The following LNX1 variants were observed in gnomAD, a reference collection of about 807,000 sequenced individuals.
The protein encoded by LNX1 is E3 ubiquitin-protein ligase LNX.
Under a neutral mutation model 68.4 loss-of-function variants are expected in LNX1, and 54 were observed. The ratio of observed to expected loss-of-function variants is 0.79; its 90% CI spans 0.63 to 0.99. The LOEUF is 0.99. LNX1 is among the 50% of genes least tolerant of loss of function. The probability of loss-of-function intolerance (pLI) is 0.00; values close to 1 mark genes in which losing one functional copy is unlikely to be tolerated. For missense variants in LNX1, 906 were observed against 926.4 expected (o/e 0.98, Z 0.29); for synonymous variants, 336 against 350.0 (o/e 0.96, Z 0.45).
chr4:53,597,775 T>G (rs754655662), intron 2 of LNX1, among the ~76,000 whole-genome samples: 40 of 152,206 alleles, frequency 2.6e-4, no homozygotes, highest in Non-Finnish European at 4.6e-4. Context: ...GGTGATATTT[T>G]GGCCTCCAAA....
intron 2 of LNX1, among the ~76,000 whole-genome samples, chr4:53,567,716 T>C (rs1013191328): frequency 6.6e-6 from 1 of 152,148 alleles, no homozygotes; most frequent in Non-Finnish European, 1.5e-5. Context: ...AGCTGGTTTA[T>C]TGAAAGGATC....
chr4:53,492,529 G>GAGAGAGAGAA (rs1166445352), intron 6 of LNX1, among the ~76,000 whole-genome samples: 5 of 151,452 alleles, frequency 3.3e-5, no homozygotes, highest in Admixed American at 3.3e-4. Flanking sequence ...GAGAGAGAGA[G>GAGAGAGAGAA]AGAGAGAGAG....
intron 9 of LNX1, among the ~76,000 whole-genome samples, chr4:53,469,821 A>G (rs1723016019): frequency 6.6e-6 from 1 of 152,210 alleles, no homozygotes; most frequent in Non-Finnish European, 1.5e-5. Context: ...TACACCAATA[A>G]CAGGCTCTGA....
At chr4:53,567,543 G>A (rs1317528125) in intron 2 of LNX1, among the ~76,000 whole-genome samples, 3 of 152,212 alleles carry the variant, frequency 2.0e-5, no homozygotes, top group Non-Finnish European at 2.9e-5. Context: ...AGAGAAAGCA[G>A]GAAAGATCTA....
chr4:53,608,050 G>C (rs997009669), intron 2 of LNX1, among the ~76,000 whole-genome samples: 11 of 152,266 alleles, frequency 7.2e-5, no homozygotes, highest in Admixed American at 4.6e-4. Context: ...TCTGGACACA[G>C]GGTATGGCAA....
chr4:53,583,932 A>AAAC (rs57272023), intron 1 of LNX1, among the ~76,000 whole-genome samples: 2,963 of 149,860 alleles, frequency 0.02, 67 homozygotes, highest in East Asian at 0.094. Flanking sequence ...GACCCCCTGC[A>AAAC]AACAACAACA....
chr4:53,600,062 C>A (rs371097326), intron 2 of LNX1, among the ~76,000 whole-genome samples: 9 of 152,244 alleles, frequency 5.9e-5, no homozygotes, highest in African/African-American at 2.2e-4. Flanking sequence ...CTCCCCAATA[C>A]CATATGCTTT....
chr4:53,577,561 T>C (rs978599931), intron 1 of LNX1, among the ~76,000 whole-genome samples: 1 of 152,092 alleles, frequency 6.6e-6, no homozygotes, highest in Non-Finnish European at 1.5e-5. Context: ...CTTTGCCCAC[T>C]CCTCCAGCTC....
At chr4:53,517,289 A>G (rs1436958630) in intron 2 of LNX1, among the ~76,000 whole-genome samples, 1 of 152,192 alleles carries the variant, frequency 6.6e-6, no homozygotes, top group Non-Finnish European at 1.5e-5. Context: ...GCAGATATAT[A>G]GTTTAAATAT....
intron 1 of LNX1, among the ~76,000 whole-genome samples, chr4:53,616,816 G>A (rs1251102935): frequency 6.6e-6 from 1 of 152,188 alleles, no homozygotes; most frequent in Non-Finnish European, 1.5e-5. Flanking sequence ...ATTCTCCCAA[G>A]ATAACATAGG....
chr4:53,585,743 C>G (rs1732130748), intron 1 of LNX1, among the ~76,000 whole-genome samples: 1 of 152,158 alleles, frequency 6.6e-6, no homozygotes, highest in African/African-American at 2.4e-5. Context: ...CCAGAGAAGA[C>G]CCTCTCCTGG....
At chr4:53,645,238 G>T (rs766823194) in intron 1 of LNX1, among the ~76,000 whole-genome samples, 1 of 152,192 alleles carries the variant, frequency 6.6e-6, no homozygotes, top group Non-Finnish European at 1.5e-5. Context: ...GGGAACTCTC[G>T]GGAGGCTGGA....
intron 2 of LNX1, chr4:53,557,844 C>T: frequency 6.2e-7 from 1 of 1,612,354 alleles, no homozygotes; most frequent in Non-Finnish European, 8.5e-7. Context: ...GGCACATAAA[C>T]ACACAGGCAC....
chr4:53,569,258 A>G (rs1730953889), intron 2 of LNX1, among the ~76,000 whole-genome samples: 1 of 151,030 alleles, frequency 6.6e-6, no homozygotes, highest in South Asian at 2.1e-4. Context: ...CCTGACTTCA[A>G]ACTATACTAC....
chr4:53,470,337 T>A (rs1055679427), intron 9 of LNX1, among the ~76,000 whole-genome samples: 1 of 152,160 alleles, frequency 6.6e-6, no homozygotes, highest in African/African-American at 2.4e-5. Flanking sequence ...ATGGGACGTA[T>A]CTCAAAATAA....
chr4:53,625,612 C>G (rs1219865413), intron 1 of LNX1, among the ~76,000 whole-genome samples: 1 of 152,070 alleles, frequency 6.6e-6, no homozygotes, highest in Non-Finnish European at 1.5e-5. Context: ...AACTGGGCAA[C>G]ATAGTGACAC....
chr4:53,515,633 T>C (rs1401766861), intron 2 of LNX1, among the ~76,000 whole-genome samples: 1 of 152,222 alleles, frequency 6.6e-6, no homozygotes, highest in Non-Finnish European at 1.5e-5. Context: ...ATTATGCATG[T>C]AATAAAACTG....
At chr4:53,571,404 G>T (rs1373507036) in intron 2 of LNX1, among the ~76,000 whole-genome samples, 6 of 152,038 alleles carry the variant, frequency 3.9e-5, no homozygotes, top group Admixed American at 2.0e-4. Flanking sequence ...TAGGAGGGAG[G>T]CAGGAGTCTC....
chr4:53,570,819 A>T (rs779429022), intron 2 of LNX1, among the ~76,000 whole-genome samples: 2 of 151,268 alleles, frequency 1.3e-5, no homozygotes, highest in Non-Finnish European at 3.0e-5. Context: ...CGAGGTCAGG[A>T]GATCGAGACC....
Sources: allele counts gnomAD v4.1 joint callset (sites outside exome capture counted in the v4.1 genomes callset), GRCh38; gene constraint gnomAD v4.1.1; transcripts MANE v1.5; gene names NCBI Gene and HGNC (gene_info 2026-07-23, HGNC 2026-07-21).